The following DOCK1 variants were observed in gnomAD, a reference collection of about 807,000 sequenced individuals.
DOCK1 encodes the protein dedicator of cytokinesis protein 1.
Under a neutral mutation model 262.7 loss-of-function variants are expected in DOCK1, and 138 were observed. The ratio of observed to expected loss-of-function variants is 0.53; its 90% CI spans 0.46 to 0.61. The LOEUF (loss-of-function observed/expected upper bound fraction) is 0.61. Among genes scored for constraint, DOCK1 ranks in the 20% least tolerant of loss-of-function variants. The pLI, the probability that DOCK1 is intolerant of heterozygous loss-of-function variation, is 0.00. For missense variants in DOCK1, 1,908 were observed against 2,370.7 expected (o/e 0.80, Z 4.05); for synonymous variants, 866 against 867.4 (o/e 1.00, Z 0.03).
At chr10:127,106,384 G>A in intron 24 of DOCK1, 83 bp downstream of exon 24, 2 of 1,457,268 alleles carry the variant, frequency 1.4e-6, no homozygotes, top group Non-Finnish European at 1.9e-6. Context: ...GGATGCTCAG[G>A]GTTCTGCCTC....
Position 127,410,938 on chromosome 10 carries a change from A to C in DOCK1, c.4428+14A>C. On this transcript the variant is annotated intron_variant, in intron 43 of 51. Coordinates refer to ENST00000623213, the MANE Select transcript of DOCK1 (RefSeq NM_001290223.2). ...AATGAATTTGCGGTAAAAAACAAAC[A>C]AACCACCAAACCAAACAACAAAAAA... The C allele has an allele frequency of 3.1e-6, 5 of 1,609,928 alleles. No individual in the cohort carries two copies. Among genetic ancestry groups the C allele is most frequent in the Non-Finnish European group, 4.2e-6 (5 of 1,178,060 alleles).
chr10:127,290,336 C>T (rs1286082872), intron 29 of DOCK1, among the ~76,000 whole-genome samples: 2 of 151,972 alleles, frequency 1.3e-5, no homozygotes, highest in African/African-American at 4.8e-5. Flanking sequence ...TTGTTTAATA[C>T]CATGAAACTC....
intron 35 of DOCK1, among the ~76,000 whole-genome samples, chr10:127,376,116 G>A (rs1305099750): frequency 6.6e-6 from 1 of 151,678 alleles, no homozygotes; most frequent in Non-Finnish European, 1.5e-5. Flanking sequence ...TACGGCAGAG[G>A]TTTTGAAATC....
At chr10:126,982,009 A>C in intron 4 of DOCK1, 36 bp downstream of exon 4, 1 of 1,608,328 alleles carries the variant, frequency 6.2e-7, no homozygotes, top group Non-Finnish European at 8.5e-7. Context: ...GAAGAATTGC[A>C]AGTACTATAT....
intron 29 of DOCK1, among the ~76,000 whole-genome samples, chr10:127,313,603 G>T (rs528330143): frequency 6.6e-6 from 1 of 152,270 alleles, no homozygotes; most frequent in Admixed American, 6.5e-5. Context: ...TACTGCAGGT[G>T]CACATTTTCA....
intron 13 of DOCK1, among the ~76,000 whole-genome samples, chr10:127,022,418 G>A (rs1027690187): frequency 2.6e-5 from 4 of 152,144 alleles, no homozygotes; most frequent in Non-Finnish European, 4.4e-5. Flanking sequence ...CCATGTTGGC[G>A]TGCTGCACCC....
chr10:126,935,156 T>G (rs1194128424), intron 1 of DOCK1, among the ~76,000 whole-genome samples: 1 of 152,174 alleles, frequency 6.6e-6, no homozygotes, highest in African/African-American at 2.4e-5. Flanking sequence ...GACTATTATA[T>G]CATAACCACA....
intron 27 of DOCK1, among the ~76,000 whole-genome samples, chr10:127,247,798 AC>A (rs2059481498): frequency 6.6e-6 from 1 of 151,800 alleles, no homozygotes; most frequent in South Asian, 2.1e-4. Flanking sequence ...TATTCTAAGG[AC>A]CCCCTACCAA....
At chr10:126,940,623 C>G (rs1479540323) in intron 1 of DOCK1, among the ~76,000 whole-genome samples, 1 of 152,092 alleles carries the variant, frequency 6.6e-6, no homozygotes, top group Non-Finnish European at 1.5e-5. Context: ...AGGCTAGTCT[C>G]GAACTCCTGA....
At position 127,380,418 on chromosome 10, in the gene DOCK1, A is replaced by G. The variant is rs539108969; in HGVS notation, c.3716+296A>G. 2.6e-5 allele frequency among the ~76,000 whole-genome samples: 4 copies of G among 152,308 alleles called. No homozygotes were observed. The South Asian group carries it at 8.3e-4, about 32-fold the overall frequency. ...CAACTCATGTGGCCCTTTTGCAAAA[A>G]GATAAGCACATAAATTTTAATGTTT... On this transcript the variant is annotated intron_variant, in intron 36 of 51. Transcript: ENST00000623213.
intron 27 of DOCK1, among the ~76,000 whole-genome samples, chr10:127,227,015 C>T (rs1216335006): frequency 6.6e-6 from 1 of 152,140 alleles, no homozygotes; most frequent in African/African-American, 2.4e-5. Context: ...CTTCCATGCC[C>T]CAAGCCCCAG....
At chr10:127,136,472 G>C (rs1476528084) in intron 27 of DOCK1, 26 of 123,464 alleles carry the variant, frequency 2.1e-4, no homozygotes, top group Admixed American at 2.0e-3. Context: ...CAAAATTTAA[G>C]TTGTACAAAA....
Position 127,442,391 on chromosome 10 carries a change from C to T in DOCK1, c.5260-1735C>T, listed in dbSNP as rs141308558. 6.9e-3 allele frequency among the ~76,000 whole-genome samples: 1,045 copies of T among 152,308 alleles called. 12 individuals are homozygous for T. The highest frequency in any genetic ancestry group is 0.024 in the African/African-American group (980 of 41,560). On this transcript the variant is annotated intron_variant, in intron 49 of 51. Transcript: ENST00000623213. The stretch of plus-strand genomic sequence containing the variant: ...GCTGCCCACTCACCTGCCTGCCCTT[C>T]CTTGGGGGAGAACGTTGACCCCTCC...
At chr10:126,945,730 A>G (rs2035349308) in intron 1 of DOCK1, among the ~76,000 whole-genome samples, 2 of 152,318 alleles carry the variant, frequency 1.3e-5, no homozygotes, top group East Asian at 3.9e-4. Context: ...GTCCCAAGAA[A>G]CACGTGTTCA....
At chr10:127,145,671 T>A (rs2051745181) in intron 27 of DOCK1, among the ~76,000 whole-genome samples, 1 of 152,208 alleles carries the variant, frequency 6.6e-6, no homozygotes, top group Admixed American at 6.5e-5. Flanking sequence ...GAGACATGGG[T>A]GACGTCCCGG....
intron 27 of DOCK1, among the ~76,000 whole-genome samples, chr10:127,135,068 T>G (rs2050574669): frequency 6.6e-6 from 1 of 152,282 alleles, no homozygotes; most frequent in South Asian, 2.1e-4. Context: ...GAGGCAAGAT[T>G]TACATGCCAC....
chr10:127,339,730 T>TGC (rs2063349494), intron 30 of DOCK1, among the ~76,000 whole-genome samples: 1 of 79,168 alleles, frequency 1.3e-5, no homozygotes, highest in Non-Finnish European at 2.3e-5. Flanking sequence ...TGTGTGTGTG[T>TGC]GTGTGCATGC....
At chr10:127,228,118 G>C (rs892029103) in intron 27 of DOCK1, among the ~76,000 whole-genome samples, 1 of 152,124 alleles carries the variant, frequency 6.6e-6, no homozygotes, top group Non-Finnish European at 1.5e-5. Context: ...TGGTAAAATG[G>C]TAAAAATATC....
chr10:127,179,895 T>C (rs2055562909), intron 27 of DOCK1, among the ~76,000 whole-genome samples: 1 of 152,216 alleles, frequency 6.6e-6, no homozygotes, highest in Non-Finnish European at 1.5e-5. Context: ...GCATAGCAGT[T>C]GTGTTTTCTA....
Sources: gnomAD v4.1 joint callset for allele counts (sites outside exome capture counted in the v4.1 genomes callset) on GRCh38, gnomAD v4.1.1 for gene constraint, MANE v1.5 for transcripts, NCBI Gene and HGNC (gene_info 2026-07-23, HGNC 2026-07-21) for gene names.